KCNT2: variants seen among roughly 807,000 people sequenced by gnomAD.
The protein encoded by KCNT2 is potassium channel subfamily T member 2.
Under a neutral mutation model 153.8 loss-of-function variants are expected in KCNT2, and 67 were observed. The observed-to-expected ratio is 0.44, with a 90% CI of 0.36 to 0.53. The LOEUF is 0.53. Ranked by LOEUF, KCNT2 falls within the 20% of genes least tolerant of loss-of-function variation. KCNT2 has a pLI of 0.00. For synonymous variants in KCNT2, 500 were observed against 458.8 expected (o/e 1.09, Z -1.15); for missense variants, 975 against 1,354.8 (o/e 0.72, Z 4.40).
chr1:196,312,018 T>C (rs1216893474), intron 21 of KCNT2, among the ~76,000 whole-genome samples: 1 of 151,908 alleles, frequency 6.6e-6, no homozygotes, highest in African/African-American at 2.4e-5. Context: ...AATGATTGTC[T>C]TGTTAGCTAA....
chr1:196,371,525 T>G (rs1263405925), intron 14 of KCNT2, among the ~76,000 whole-genome samples: 1 of 152,122 alleles, frequency 6.6e-6, no homozygotes, highest in African/African-American at 2.4e-5. Context: ...ATAAATCTAC[T>G]ATAAGAAGTT....
At chr1:196,336,317 G>C (rs1440403062) in intron 16 of KCNT2, among the ~76,000 whole-genome samples, 1 of 151,560 alleles carries the variant, frequency 6.6e-6, no homozygotes. Flanking sequence ...TCTCCTTCTG[G>C]CATCTCACTC....
intron 27 of KCNT2, among the ~76,000 whole-genome samples, chr1:196,230,410 C>A (rs762188075): frequency 2.2e-4 from 33 of 152,008 alleles, no homozygotes; most frequent in Non-Finnish European, 4.3e-4. Context: ...CAAAATATCA[C>A]TGCCCCTTGA....
chr1:196,501,947 C>T (rs186916306), intron 1 of KCNT2, among the ~76,000 whole-genome samples: 1 of 152,156 alleles, frequency 6.6e-6, no homozygotes, highest in East Asian at 1.9e-4. Flanking sequence ...GGTGAAACCT[C>T]ATCTCTACTA....
chr1:196,334,086 A>G (rs774742864), intron 16 of KCNT2, 26 bp from the exon 17 acceptor site: 2 of 1,535,922 alleles, frequency 1.3e-6, no homozygotes, highest in African/African-American at 1.4e-5. Context: ...ATGAAAATTT[A>G]TCAAGGCGTT....
intron 1 of KCNT2, among the ~76,000 whole-genome samples, chr1:196,568,677 G>A (rs1368066150): frequency 6.6e-6 from 1 of 151,558 alleles, no homozygotes; most frequent in African/African-American, 2.4e-5. Flanking sequence ...CTCTTTTTCT[G>A]GCAACTCACC....
chr1:196,599,257 C>A (rs1404080838), intron 1 of KCNT2, among the ~76,000 whole-genome samples: 2 of 152,222 alleles, frequency 1.3e-5, no homozygotes, highest in Non-Finnish European at 2.9e-5. Context: ...GGACAATCTA[C>A]AAGTTTTCCC....
chr1:196,519,083 C>T (rs919699493), intron 1 of KCNT2, among the ~76,000 whole-genome samples: 48 of 151,990 alleles, frequency 3.2e-4, no homozygotes, highest in African/African-American at 1.1e-3. Context: ...CAAAATCATA[C>T]CAAACACACT....
At chr1:196,365,575 C>A (rs2148293696) in intron 14 of KCNT2, among the ~76,000 whole-genome samples, 1 of 152,226 alleles carries the variant, frequency 6.6e-6, no homozygotes, top group Non-Finnish European at 1.5e-5. Context: ...GTTCTTGCAT[C>A]CTGTTATCTA....
At chr1:196,255,849 T>G (rs1184503534) in intron 26 of KCNT2, among the ~76,000 whole-genome samples, 1 of 150,746 alleles carries the variant, frequency 6.6e-6, no homozygotes, top group Non-Finnish European at 1.5e-5. Flanking sequence ...AATAAATGCA[T>G]GAGAATTTGT....
chr1:196,573,631 T>C (rs1055218865), intron 1 of KCNT2, among the ~76,000 whole-genome samples: 1 of 150,776 alleles, frequency 6.6e-6, no homozygotes, highest in South Asian at 2.1e-4. Flanking sequence ...AAATAAAATA[T>C]GAAAGAAGAG....
chr1:196,397,312 T>C (rs1671026472), intron 13 of KCNT2, among the ~76,000 whole-genome samples: 3 of 151,680 alleles, frequency 2.0e-5, no homozygotes, highest in South Asian at 4.1e-4. Context: ...TAAGATAGCC[T>C]AGTTACAAAG....
At chr1:196,407,922 C>T (rs1464058254) in intron 12 of KCNT2, among the ~76,000 whole-genome samples, 3 of 151,500 alleles carry the variant, frequency 2.0e-5, no homozygotes, top group African/African-American at 4.8e-5. Context: ...AGTTTCTCCC[C>T]TCAGTGTGAA....
intron 1 of KCNT2, among the ~76,000 whole-genome samples, chr1:196,576,923 C>A (rs571867070): frequency 2.6e-5 from 4 of 152,146 alleles, no homozygotes; most frequent in African/African-American, 9.6e-5. Flanking sequence ...TCTTTCCCAG[C>A]AAAACATTTT....
intron 20 of KCNT2, among the ~76,000 whole-genome samples, chr1:196,319,223 C>A (rs906380108): frequency 1.3e-5 from 2 of 151,638 alleles, no homozygotes. Context: ...ATAGATGACA[C>A]AAAACTAAAA....
chr1:196,341,359 T>C (rs1356577350), intron 15 of KCNT2, among the ~76,000 whole-genome samples: 3 of 151,998 alleles, frequency 2.0e-5, no homozygotes, highest in Non-Finnish European at 4.4e-5. Flanking sequence ...AATGATTGTA[T>C]GGATACTGGA....
At chr1:196,504,081 G>A (rs1680917547) in intron 1 of KCNT2, among the ~76,000 whole-genome samples, 2 of 151,840 alleles carry the variant, frequency 1.3e-5, no homozygotes, top group African/African-American at 4.8e-5. Context: ...AATACAAATG[G>A]GTTTTTTTAA....
At chr1:196,428,371 G>A in intron 9 of KCNT2, 102 bp from the exon 10 acceptor site, 1 of 765,666 alleles carries the variant, frequency 1.3e-6, no homozygotes, top group Middle Eastern at 2.5e-4. Context: ...TTTCCTAGAT[G>A]GAACTCATTG....
chr1:196,237,258 T>A (rs968937707), intron 26 of KCNT2, among the ~76,000 whole-genome samples: 1 of 151,760 alleles, frequency 6.6e-6, no homozygotes, highest in Non-Finnish European at 1.5e-5. Context: ...AACCTGTCAC[T>A]TTAATATGAA....
Sources: gnomAD v4.1 joint callset for allele counts (sites outside exome capture counted in the v4.1 genomes callset) on GRCh38, gnomAD v4.1.1 for gene constraint, MANE v1.5 for transcripts, NCBI Gene and HGNC (gene_info 2026-07-23, HGNC 2026-07-21) for gene names.